Variants in LRRC41 observed in about 807,000 individuals in gnomAD.
The protein encoded by LRRC41 is leucine rich repeat containing 41.
A neutral mutation model predicts 72.1 loss-of-function variants in LRRC41; 17 were observed. The ratio of observed to expected loss-of-function variants is 0.24; its 90% confidence interval spans 0.16 to 0.35. The LOEUF (loss-of-function observed/expected upper bound fraction) is 0.35. Ranked by LOEUF, LRRC41 falls within the 10% of genes least tolerant of loss-of-function variation. The pLI, the probability that LRRC41 is intolerant of heterozygous loss-of-function variation, is 1.00. For missense variants in LRRC41, 759 were observed against 1,065.0 expected, an observed-to-expected ratio of 0.71 and a Z score of 4.00; for synonymous variants, 427 against 431.0, an observed-to-expected ratio of 0.99 and a Z score of 0.11.
intron 1 of LRRC41, 196 bp from the exon 2 acceptor site, chr1:46,298,566 G>T: frequency 2.1e-6 from 1 of 470,952 alleles, no homozygotes; most frequent in Non-Finnish European, 3.8e-6. Flanking sequence ...TTGGAAGCTG[G>T]AATTTCAGGG....
intron 3 of LRRC41, among the ~76,000 whole-genome samples, chr1:46,294,508 C>T (rs998561999): frequency 6.6e-6 from 1 of 152,032 alleles, no homozygotes; most frequent in Non-Finnish European, 1.5e-5. Flanking sequence ...AGCTATTCCT[C>T]TCACTTCAGC....
chr1:46,289,364 GAC>G (rs1259985189), intron 3 of LRRC41, among the ~76,000 whole-genome samples: 1 of 152,176 alleles, frequency 6.6e-6, no homozygotes, highest in Non-Finnish European at 1.5e-5. Context: ...GCATTTTTGT[GAC>G]AGTTAAATGA....
chr1:46,303,208 C>T lies in LRRC41; in HGVS notation c.115G>A (p.Gly39Ser). 1 of 1,567,668 alleles carries T rather than the reference C, an allele frequency of 6.4e-7. No homozygotes were observed. The highest frequency in any genetic ancestry group is 1.2e-5 in the South Asian group (1 of 85,784). Residue 39 changes from glycine to serine, a missense_variant, in exon 1 of 10, where the codon GGC becomes AGC. Gly to Ser is a moderately conservative substitution (Grantham distance 56). Around this residue, in one of 4 missense-constraint regions of LRRC41, gnomAD observed 106 missense variants for 66.1 expected, o/e 1.60. Coordinates refer to ENST00000617190, the MANE Select transcript of LRRC41 (RefSeq NM_006369.5). ...AACAGGGCGGGGGGAGCGTTGGGGC[C>T]CGAGGCCGAGCTCTTCGCTGGCGCC... ...EAAPAKSSASGPNAPPALFEL... is the reference protein window; with the variant it reads ...EAAPAKSSASSPNAPPALFEL...
Position 46,279,268 on chromosome 1 carries a change from G to A in LRRC41, c.2144-11C>T, listed in dbSNP as rs1355211980. 6.2e-7 allele frequency: 1 copy of A among 1,613,920 alleles called. No homozygotes were observed. Among genetic ancestry groups the A allele is most frequent in the African/African-American group, 1.3e-5 (1 of 75,060 alleles). ...GCAGGCCAGCATTCCCTGGAGAGAA[G>A]GGGAGAACGCCTATCACCTCCACCC... On this transcript the variant is annotated splice_polypyrimidine_tract_variant and intron_variant, in intron 8 of 9. Coordinates refer to ENST00000617190, the MANE Select transcript of LRRC41 (RefSeq NM_006369.5). The surrounding 1 kb of genome is among the most constrained non-coding windows in gnomAD (Gnocchi z 4.5).
intron 1 of LRRC41, among the ~76,000 whole-genome samples, chr1:46,301,637 T>C (rs1416617701): frequency 6.7e-6 from 1 of 149,134 alleles, no homozygotes; most frequent in Non-Finnish European, 1.5e-5. Flanking sequence ...CCCCCCAAAC[T>C]CCAGGGCCTT....
Position 46,280,388 on chromosome 1 carries a change from G to T in LRRC41, c.1921+8C>A. 6.2e-7 allele frequency: 1 copy of T among 1,614,154 alleles called. No homozygotes were observed. Among genetic ancestry groups the T allele is most frequent in the Middle Eastern group, 1.6e-4 (1 of 6,062 alleles). On this transcript the variant is annotated splice_region_variant and intron_variant, in intron 6 of 9. Transcript: ENST00000617190. Reference sequence around the variant, plus strand: ...TCCTCTCCCTTCACCATTCTGGCTGGGTCCTACCTTTGAGTGTTTGCAAAA... The same window carrying T: ...TCCTCTCCCTTCACCATTCTGGCTGTGTCCTACCTTTGAGTGTTTGCAAAA...
rs749156764 is a variant in LRRC41, at chr1:46,279,042, C to T, written c.2262G>A (p.Lys754=). ...IKPDGLLEFA[K]RLERWGRGAF... The stretch of plus-strand genomic sequence containing the variant: ...CTCCACGGCCCCAGCGCTCCAGCCG[C>T]TTGGCGAACTCCAGAAGCCCATCTG... Residue 754 remains lysine, a synonymous_variant, in exon 10 of 10, where the codon AAG becomes AAA. Transcript: ENST00000617190. The surrounding 1 kb of genome is among the most constrained non-coding windows in gnomAD (Gnocchi z 4.5). 6.2e-7 allele frequency: 1 copy of T among 1,611,052 alleles called. No homozygotes were observed. The highest frequency in any genetic ancestry group is 8.5e-7 in the Non-Finnish European group (1 of 1,178,506).
chr1:46,297,753 C>A, intron 2 of LRRC41, 120 bp from the exon 3 acceptor site: 2 of 695,416 alleles, frequency 2.9e-6, no homozygotes, highest in Non-Finnish European at 2.6e-6. Flanking sequence ...AGGGCACTGG[C>A]TCTAAAGACA....
chr1:46,291,071 C>T (rs1050293636), intron 3 of LRRC41, among the ~76,000 whole-genome samples: 5 of 150,822 alleles, frequency 3.3e-5, no homozygotes, highest in Admixed American at 2.6e-4. Context: ...ATTACAGGCA[C>T]GTGCCACCAC....
rs1225564952 is a variant in LRRC41, at chr1:46,279,475, C to T, written c.2143+17G>A. The stretch of plus-strand genomic sequence containing the variant: ...CTAGCTCCTTTCCCCTCTCCCTCCC[C>T]AGGGTCTGGCCCCCACCCAGGCGGT... On this transcript the variant is annotated intron_variant, in intron 8 of 9. Transcript: ENST00000617190. This position sits in a 1 kb window ranked among gnomAD's most constrained non-coding sequence, Gnocchi z 4.5. 1.2e-6 allele frequency: 2 copies of T among 1,614,212 alleles called. No homozygotes were observed. Among genetic ancestry groups the T allele is most frequent in the Middle Eastern group, 1.6e-4 (1 of 6,062 alleles).
intron 3 of LRRC41, among the ~76,000 whole-genome samples, chr1:46,291,552 G>GTTTTTTTTTTTTTTT (rs1219656700): frequency 1.2e-4 from 10 of 84,950 alleles, no homozygotes; most frequent in African/African-American, 3.7e-4. Flanking sequence ...GCCCCAGCTG[G>GTTTTTTTTTTTTTTT]TTTTTTTTTT....
chr1:46,302,371 C>T lies in LRRC41; in HGVS notation c.199+753G>A. ...GCCCCCCTCCACTCGCTCTCCGGTC[C>T]CTCCTCGCCGCTCGAGCCGATCCGA... is the stretch of plus-strand genomic sequence containing the variant. On this transcript the variant is annotated intron_variant, in intron 1 of 9. Coordinates refer to ENST00000617190, the MANE Select transcript of LRRC41 (RefSeq NM_006369.5). This position sits in a 1 kb window ranked among gnomAD's most constrained non-coding sequence, Gnocchi z 4.7. 8.1e-6 allele frequency: 8 copies of T among 985,452 alleles called. No homozygotes were observed. Among genetic ancestry groups the T allele is most frequent in the Non-Finnish European group, 9.6e-6 (8 of 829,934 alleles). The allele number at this position is 985,452 out of a possible 1,614,324, so 61.0% of individuals were successfully genotyped here.
intron 3 of LRRC41, among the ~76,000 whole-genome samples, chr1:46,288,952 A>T (rs747468605): frequency 6.6e-6 from 1 of 152,240 alleles, no homozygotes; most frequent in Non-Finnish European, 1.5e-5. Context: ...AAACACTTGC[A>T]GGTAACCTTA....
Position 46,277,839 on chromosome 1 carries a change from T to A in LRRC41, c.*1026A>T, listed in dbSNP as rs1660659510. The stretch of plus-strand genomic sequence containing the variant: ...CAGGCAGGGACCATTGAGGAGAAGA[T>A]CTTCCAGCGTCAGAGCCACAAGAAG... On this transcript the variant is annotated 3_prime_UTR_variant, in exon 10 of 10. Transcript: ENST00000617190. The A allele has an allele frequency of 1.2e-6, 2 of 1,611,808 alleles. No homozygotes were observed. The highest frequency in any genetic ancestry group is 1.1e-5 in the South Asian group (1 of 91,026).
At chr1:46,293,182 C>CAA (rs546295457) in intron 3 of LRRC41, among the ~76,000 whole-genome samples, 39 of 125,550 alleles carry the variant, frequency 3.1e-4, no homozygotes, top group African/African-American at 1.1e-3. Flanking sequence ...GATTTCGTCT[C>CAA]AAAAAAAAAA....
intron 3 of LRRC41, among the ~76,000 whole-genome samples, chr1:46,291,666 TCTC>T (rs1309053354): frequency 6.7e-6 from 1 of 150,162 alleles, no homozygotes; most frequent in Non-Finnish European, 1.5e-5. Flanking sequence ...CTCAAGTGAT[TCTC>T]CTGCCTCAGC....
At chr1:46,300,360 G>A (rs1228824246) in intron 1 of LRRC41, 2 of 152,020 alleles carry the variant, frequency 1.3e-5, no homozygotes, top group African/African-American at 4.8e-5. Context: ...TAAGATCTTG[G>A]AGTATACCAA....
chr1:46,294,627 C>T (rs1661087274), intron 3 of LRRC41, among the ~76,000 whole-genome samples: 1 of 126,596 alleles, frequency 7.9e-6, no homozygotes, highest in African/African-American at 2.9e-5. Flanking sequence ...CGGAGTCTTG[C>T]TCTGTTGCCC....
intron 4 of LRRC41, among the ~76,000 whole-genome samples, chr1:46,284,767 G>A (rs1660849628): frequency 6.6e-6 from 1 of 152,180 alleles, no homozygotes; most frequent in Admixed American, 6.5e-5. Flanking sequence ...AGCTGATGTT[G>A]CAAGCACAGT....
Sources: allele counts gnomAD v4.1 joint callset (sites outside exome capture counted in the v4.1 genomes callset), GRCh38; gene constraint gnomAD v4.1.1; regional missense constraint gnomAD v4.1.1; non-coding constraint Gnocchi (gnomAD v3.1); transcripts MANE v1.5; gene names NCBI Gene and HGNC (gene_info 2026-07-23, HGNC 2026-07-21).